The following GLIS3 variants were observed in gnomAD, a reference collection of about 807,000 sequenced individuals.
GLIS3 encodes the protein zinc finger protein GLIS3.
Under a neutral mutation model 78.6 loss-of-function variants are expected in GLIS3, and 53 were observed. That is an observed-to-expected ratio of 0.67 (90% CI 0.54 to 0.85). GLIS3 has a LOEUF of 0.85. Ranked by LOEUF, GLIS3 falls within the 40% of genes least tolerant of loss-of-function variation. The pLI is 0.00. For synonymous variants in GLIS3, 684 were observed against 509.9 expected, an observed-to-expected ratio of 1.34 and a Z score of -4.60; for missense variants, 1,703 against 1,231.1, an observed-to-expected ratio of 1.38 and a Z score of -5.74.
chr9:3,831,183 C>T (rs1159173168), intron 9 of GLIS3, among the ~76,000 whole-genome samples: 1 of 152,274 alleles, frequency 6.6e-6, no homozygotes, highest in East Asian at 1.9e-4. Flanking sequence ...AGATTAAATG[C>T]TTGTTATTAG....
At chr9:4,213,564 A>C (rs1820554854) in intron 2 of GLIS3, among the ~76,000 whole-genome samples, 1 of 152,150 alleles carries the variant, frequency 6.6e-6, no homozygotes, top group Non-Finnish European at 1.5e-5. Context: ...TTGAATTTTT[A>C]ATTTTATTTA....
At chr9:4,131,071 T>A (rs1195954860) in intron 2 of GLIS3, among the ~76,000 whole-genome samples, 4 of 151,958 alleles carry the variant, frequency 2.6e-5, no homozygotes, top group Non-Finnish European at 5.9e-5. Context: ...CTAGGGGGGG[T>A]TGGGGCTTGC....
At chr9:4,468,994 T>C in the GLIS3 span, among the ~76,000 whole-genome samples, 1 of 152,088 alleles carries the variant, frequency 6.6e-6, no homozygotes. Flanking sequence ...TCCTAGTCTC[T>C]GATAAAATAG....
Position 4,195,268 on chromosome 9 carries a change from T to C in GLIS3, c.389-69327A>G, listed in dbSNP as rs540942352. 8.9e-4 allele frequency among the ~76,000 whole-genome samples: 136 copies of C among 152,240 alleles called. 1 individual carries two copies. The Middle Eastern group carries it at 0.02, about 23-fold the overall frequency. On this transcript the variant is annotated intron_variant, in intron 2 of 10. Transcript: ENST00000381971. ...TGTCTGGGCTGGTTGAGGCCAGAGC[T>C]GCTCCCTTGGCTTGCAGGGAGGTGT...
At chr9:3,875,240 T>A (rs1821237402) in intron 8 of GLIS3, among the ~76,000 whole-genome samples, 1 of 152,234 alleles carries the variant, frequency 6.6e-6, no homozygotes, top group East Asian at 1.9e-4. Context: ...AGATCAACAT[T>A]AGGTGATGTA....
chr9:4,155,419 G>A (rs549398600), intron 2 of GLIS3, among the ~76,000 whole-genome samples: 35 of 152,320 alleles, frequency 2.3e-4, no homozygotes, highest in African/African-American at 7.2e-4. Flanking sequence ...TGGCCGTGGC[G>A]TAGATTCTTA....
At chr9:4,049,425 C>A (rs1825526394) in intron 4 of GLIS3, among the ~76,000 whole-genome samples, 1 of 152,130 alleles carries the variant, frequency 6.6e-6, no homozygotes, top group Non-Finnish European at 1.5e-5. Flanking sequence ...TAGTTGATGC[C>A]CATTCCAATT....
chr9:4,393,170 G>C, the GLIS3 span, among the ~76,000 whole-genome samples: 1 of 152,034 alleles, frequency 6.6e-6, no homozygotes, highest in Non-Finnish European at 1.5e-5. Context: ...AGGTTCACTG[G>C]TTGCTTACAT....
intron 4 of GLIS3, among the ~76,000 whole-genome samples, chr9:4,086,586 A>C (rs1341338756): frequency 6.6e-6 from 1 of 152,260 alleles, no homozygotes; most frequent in African/African-American, 2.4e-5. Flanking sequence ...GAAATTGTGA[A>C]AAGCATGTGT....
At chr9:4,396,959 T>C in the GLIS3 span, among the ~76,000 whole-genome samples, 35,176 of 151,206 alleles carry the variant, frequency 0.23, 4,738 homozygotes, top group East Asian at 0.37. Flanking sequence ...CCTAAGCAGC[T>C]TCTTCTCTTG....
the GLIS3 span, among the ~76,000 whole-genome samples, chr9:4,373,491 A>G: frequency 6.6e-6 from 1 of 152,112 alleles, no homozygotes; most frequent in African/African-American, 2.4e-5. Flanking sequence ...GGGGGGAAAA[A>G]CTGTTGAAGC....
intron 7 of GLIS3, among the ~76,000 whole-genome samples, chr9:3,881,976 T>C (rs966545798): frequency 6.6e-6 from 1 of 152,242 alleles, no homozygotes; most frequent in Non-Finnish European, 1.5e-5. Context: ...CTACTGAGCT[T>C]TTTTCTGTGA....
At chr9:4,260,649 G>A (rs1825433922) in intron 2 of GLIS3, among the ~76,000 whole-genome samples, 1 of 151,998 alleles carries the variant, frequency 6.6e-6, no homozygotes, top group South Asian at 2.1e-4. Context: ...AGGAGGCTGA[G>A]GCACAAGAAT....
At chr9:3,877,306 TGTCTGCAAC>T (rs1163543896) in intron 8 of GLIS3, among the ~76,000 whole-genome samples, 2 of 152,266 alleles carry the variant, frequency 1.3e-5, no homozygotes, top group African/African-American at 4.8e-5. Context: ...AAAGATTTTC[TGTCTGCAAC>T]GTCTGTGAAC....
At chr9:4,099,792 G>A (rs1318594162) in intron 4 of GLIS3, among the ~76,000 whole-genome samples, 1 of 152,114 alleles carries the variant, frequency 6.6e-6, no homozygotes. Flanking sequence ...TGTCTGCATT[G>A]TACTCATACC....
intron 9 of GLIS3, among the ~76,000 whole-genome samples, chr9:3,854,629 C>T (rs561587391): frequency 8.5e-5 from 13 of 152,084 alleles, no homozygotes; most frequent in East Asian, 7.7e-4. Context: ...TTCCGCCTCC[C>T]GGGTTCATGC....
intron 2 of GLIS3, among the ~76,000 whole-genome samples, chr9:4,325,562 T>C (rs1399444797): frequency 6.6e-6 from 1 of 152,186 alleles, no homozygotes; most frequent in Non-Finnish European, 1.5e-5. Flanking sequence ...TCCTGCAAAA[T>C]ATCCACATTT....
At chr9:4,295,241 G>C (rs1236968720) in intron 1 of GLIS3, among the ~76,000 whole-genome samples, 1 of 151,916 alleles carries the variant, frequency 6.6e-6, no homozygotes, top group Non-Finnish European at 1.5e-5. Flanking sequence ...ATACACTCTG[G>C]GTTGCCTTAG....
chr9:4,488,004 C>T, the GLIS3 span, among the ~76,000 whole-genome samples: 1 of 152,134 alleles, frequency 6.6e-6, no homozygotes, highest in African/African-American at 2.4e-5. Context: ...ATGGTAGACA[C>T]TTTGGAAATA....
Sources: gnomAD v4.1 joint callset for allele counts (sites outside exome capture counted in the v4.1 genomes callset) on GRCh38, gnomAD v4.1.1 for gene constraint, MANE v1.5 for transcripts, NCBI Gene and HGNC (gene_info 2026-07-23, HGNC 2026-07-21) for gene names.